Variants in CDH8 observed in about 807,000 individuals in gnomAD.
CDH8 encodes the protein cadherin-8.
CDH8 carries 17 observed loss-of-function variants against 68.1 expected under a neutral mutation model. The observed-to-expected ratio is 0.25, with a 90% CI of 0.17 to 0.37. The LOEUF is 0.37. CDH8 is among the 10% of genes least tolerant of loss of function. The pLI, the probability that CDH8 is intolerant of heterozygous loss-of-function variation, is 1.00. For missense variants in CDH8, 763 were observed against 999.3 expected, an observed-to-expected ratio of 0.76 and a Z score of 3.19; for synonymous variants, 372 against 365.1, an observed-to-expected ratio of 1.02 and a Z score of -0.21.
Position 61,820,936 on chromosome 16 carries a change from C to T in CDH8, c.1013G>A (p.Arg338Lys). The T allele has an allele frequency of 1.9e-6, 3 of 1,610,492 alleles. No individual in the cohort carries two copies. Among genetic ancestry groups the T allele is most frequent in the Non-Finnish European group, 2.5e-6 (3 of 1,177,888 alleles). Reference protein sequence around the residue: ...SDAQAQDGIIRLRKPLDFETK... With the variant: ...SDAQAQDGIIKLRKPLDFETK... ...GCTTCCTTAGCTTACTTTTCTTAGC[C>T]TTATAATGCCATCCTGGGCCTGGGC... is the stretch of plus-strand genomic sequence containing the variant. The change falls in exon 6 of 12, where the codon AGG (arginine) becomes AAG (lysine). Residue 338 changes from arginine (R) to lysine (K), a missense_variant. By Grantham distance (26) the Arg-to-Lys change is conservative. This residue lies in a region of CDH8 where 366 missense variants were observed against 563.1 expected (regional missense o/e 0.65). Transcript: ENST00000577390.
At position 61,747,900 on chromosome 16, in the gene CDH8, C is replaced by T. The variant is rs60142845; in HGVS notation, c.1415-20685G>A. Among the ~76,000 whole-genome samples the T allele has an allele frequency of 5.3e-3, 800 of 152,058 alleles. 9 individuals are homozygous for T. The highest frequency in any genetic ancestry group is 0.018 in the African/African-American group (757 of 41,518). On this transcript the variant is annotated intron_variant, in intron 8 of 11. Transcript: ENST00000577390. ...TTTCTGGTGGTCTCCTTGACATCGC[C>T]GGGGCAGGGCTTTGAACACAGTTAT...
chr16:61,854,508 C>T (rs751518955), intron 4 of CDH8, among the ~76,000 whole-genome samples: 3 of 152,030 alleles, frequency 2.0e-5, no homozygotes, highest in Non-Finnish European at 4.4e-5. Flanking sequence ...GAGGAACTTC[C>T]ATGTCCAAGT....
chr16:61,809,192 A>G (rs1021188362), intron 7 of CDH8, among the ~76,000 whole-genome samples: 1 of 152,176 alleles, frequency 6.6e-6, no homozygotes, highest in Non-Finnish European at 1.5e-5. Context: ...ATCTCAAAAA[A>G]AAAAAAGACT....
intron 2 of CDH8, among the ~76,000 whole-genome samples, chr16:61,938,196 G>C (rs770329581): frequency 1.3e-5 from 2 of 152,062 alleles, no homozygotes; most frequent in Non-Finnish European, 2.9e-5. Context: ...ACACAGATCT[G>C]TGTAAGACAT....
At chr16:61,987,465 C>T (rs1401135643) in intron 2 of CDH8, among the ~76,000 whole-genome samples, 1 of 152,148 alleles carries the variant, frequency 6.6e-6, no homozygotes, top group Non-Finnish European at 1.5e-5. Context: ...CAAGAACACA[C>T]CACAGCACTC....
chr16:61,992,989 T>G (rs1965751166), intron 2 of CDH8, among the ~76,000 whole-genome samples: 1 of 152,054 alleles, frequency 6.6e-6, no homozygotes, highest in East Asian at 1.9e-4. Context: ...CTCACTACGT[T>G]TCTCAGGCTG....
chr16:61,707,387 G>A (rs538495023), intron 10 of CDH8, among the ~76,000 whole-genome samples: 1 of 152,122 alleles, frequency 6.6e-6, no homozygotes, highest in East Asian at 1.9e-4. Flanking sequence ...TTACCTTGCA[G>A]GTTCCCATAG....
intron 4 of CDH8, among the ~76,000 whole-genome samples, chr16:61,855,337 C>T (rs1338528069): frequency 6.6e-6 from 1 of 152,142 alleles, no homozygotes; most frequent in Non-Finnish European, 1.5e-5. Context: ...TCCAAATCCT[C>T]TCACTTAGCA....
chr16:61,654,215 CT>C, intron 11 of CDH8, 114 bp from the exon 12 acceptor site: 1 of 816,206 alleles, frequency 1.2e-6, no homozygotes, highest in Non-Finnish European at 1.9e-6. Context: ...GAGCATACAC[CT>C]TTAATAATAT....
At chr16:61,694,941 C>T (rs1392116705) in intron 10 of CDH8, among the ~76,000 whole-genome samples, 1 of 151,994 alleles carries the variant, frequency 6.6e-6, no homozygotes, top group Non-Finnish European at 1.5e-5. Context: ...GCCACCACGC[C>T]TGGCTAATTT....
chr16:61,674,564 C>T (rs896732775), intron 10 of CDH8, among the ~76,000 whole-genome samples: 3 of 151,620 alleles, frequency 2.0e-5, no homozygotes, highest in African/African-American at 4.8e-5. Flanking sequence ...GGTATCTTAC[C>T]GTTAACAGCT....
chr16:61,682,816 G>C (rs1964038916), intron 10 of CDH8, among the ~76,000 whole-genome samples: 1 of 151,958 alleles, frequency 6.6e-6, no homozygotes, highest in Non-Finnish European at 1.5e-5. Context: ...CAGTTTGCCA[G>C]TGACATTTTA....
intron 10 of CDH8, among the ~76,000 whole-genome samples, chr16:61,703,987 A>G (rs1219759020): frequency 6.6e-6 from 1 of 152,192 alleles, no homozygotes. Context: ...ACATCAAGAT[A>G]CCAAAAACCA....
chr16:61,965,098 G>A (rs1483545497), intron 2 of CDH8, among the ~76,000 whole-genome samples: 1 of 152,120 alleles, frequency 6.6e-6, no homozygotes, highest in Non-Finnish European at 1.5e-5. Flanking sequence ...TTTGGGGGTT[G>A]AGGTTGGGGG....
At position 61,948,789 on chromosome 16, in the gene CDH8, T is replaced by C. The variant is rs535915667; in HGVS notation, c.253-47316A>G. Among the ~76,000 whole-genome samples, 35 of 152,356 alleles carry C rather than the reference T, an allele frequency of 2.3e-4. No individual in the cohort carries two copies. The South Asian group carries it at 3.7e-3, about 16-fold the overall frequency. On this transcript the variant is annotated intron_variant, in intron 2 of 11. Transcript: ENST00000577390. ...ATCTTCCTTTTTAAAATTTTTATTCTTAATATTTTTGACAAAAATAGAAAG... is the reference window on the plus strand; with the variant it reads ...ATCTTCCTTTTTAAAATTTTTATTCCTAATATTTTTGACAAAAATAGAAAG...
intron 4 of CDH8, among the ~76,000 whole-genome samples, chr16:61,850,812 T>C (rs886409996): frequency 6.6e-6 from 1 of 152,030 alleles, no homozygotes; most frequent in African/African-American, 2.4e-5. Flanking sequence ...TTGCTCTTCA[T>C]ACATGTTTGC....
At chr16:61,736,959 A>G (rs1959703831) in intron 8 of CDH8, among the ~76,000 whole-genome samples, 1 of 152,328 alleles carries the variant, frequency 6.6e-6, no homozygotes, top group South Asian at 2.1e-4. Flanking sequence ...GCCCATATCA[A>G]TTGGTCACAA....
At chr16:62,031,050 TACAG>T (rs1437844361) in intron 1 of CDH8, among the ~76,000 whole-genome samples, 5 of 152,188 alleles carry the variant, frequency 3.3e-5, no homozygotes, top group Admixed American at 3.3e-4. Flanking sequence ...CTCAACAATG[TACAG>T]ACATTGAGTC....
At chr16:62,007,201 C>T (rs571097832) in intron 2 of CDH8, among the ~76,000 whole-genome samples, 18 of 152,302 alleles carry the variant, frequency 1.2e-4, no homozygotes, top group Middle Eastern at 6.8e-3. Flanking sequence ...CCACCACACC[C>T]GGCCCCCATT....
Sources: gnomAD v4.1 joint callset for allele counts (sites outside exome capture counted in the v4.1 genomes callset) on GRCh38, gnomAD v4.1.1 for gene constraint, gnomAD v4.1.1 regional missense constraint, MANE v1.5 for transcripts, NCBI Gene and HGNC (gene_info 2026-07-23, HGNC 2026-07-21) for gene names.